Variants in KDM5A observed in about 807,000 individuals in gnomAD.
KDM5A encodes the protein lysine demethylase 5A.
KDM5A carries 42 observed loss-of-function variants against 193.5 expected under a neutral mutation model. That is an observed-to-expected ratio of 0.22 (90% CI 0.17 to 0.28). The LOEUF is 0.28. Ranked by LOEUF, KDM5A falls within the 10% of genes least tolerant of loss-of-function variation. KDM5A has a pLI of 1.00. For missense variants in KDM5A, 1,692 were observed against 2,055.1 expected (o/e 0.82, Z 3.42); for synonymous variants, 796 against 718.1 (o/e 1.11, Z -1.73).
At chr12:322,387 A>G (rs1943728576) in intron 17 of KDM5A, 30 bp downstream of exon 17, 2 of 1,604,652 alleles carry the variant, frequency 1.2e-6, no homozygotes, top group East Asian at 4.5e-5. Flanking sequence ...ACAGGAAAAC[A>G]CTGGAGAATT....
intron 12 of KDM5A, 40 bp from the exon 13 acceptor site, chr12:331,978 TA>T: frequency 6.3e-7 from 1 of 1,591,774 alleles, no homozygotes; most frequent in Non-Finnish European, 8.6e-7. Context: ...AAATAAAAAA[TA>T]AAAATAACAA....
chr12:359,906 T>C (rs950103695), intron 5 of KDM5A, among the ~76,000 whole-genome samples: 5 of 151,962 alleles, frequency 3.3e-5, no homozygotes, highest in Non-Finnish European at 5.9e-5. Context: ...TTCAGATGTA[T>C]TGAATTTGGC....
At chr12:288,592 GA>G (rs1486193535) in intron 27 of KDM5A, among the ~76,000 whole-genome samples, 6 of 152,080 alleles carry the variant, frequency 3.9e-5, no homozygotes, top group African/African-American at 1.2e-4. Context: ...ACTGCACTGG[GA>G]AAAAAGAAAA....
At chr12:310,040 T>C (rs1270601350) in intron 21 of KDM5A, 76 bp from the exon 22 acceptor site, 17 of 1,474,418 alleles carry the variant, frequency 1.2e-5, no homozygotes, top group Admixed American at 7.4e-5. Context: ...AAGGAACCAT[T>C]TGTTGACTGT....
At chr12:311,871 C>G (rs1314845021) in intron 20 of KDM5A, among the ~76,000 whole-genome samples, 2 of 152,076 alleles carry the variant, frequency 1.3e-5, no homozygotes, top group Non-Finnish European at 2.9e-5. Context: ...CCGGCTCTAC[C>G]AAAAATACAA....
Position 389,192 on chromosome 12 carries a change from G to C in KDM5A, c.-101C>G, listed in dbSNP as rs752265773. On this transcript the variant is annotated 5_prime_UTR_variant, in exon 1 of 28. Coordinates refer to ENST00000399788, the MANE Select transcript of KDM5A (RefSeq NM_001042603.3). ...TTCAAGTCCCCTGACAGAGGCCGAA[G>C]CGCATCTTCGCGGACAAGAACCGTT... 1 of 1,076,056 alleles carries C rather than the reference G, an allele frequency of 9.3e-7. No individual in the cohort carries two copies. The highest frequency in any genetic ancestry group is 1.4e-6 in the Non-Finnish European group (1 of 694,330). 66.7% of individuals were successfully genotyped at this position (1,076,056 alleles called of 1,614,324 possible).
chr12:308,466 C>T (rs1943541772), intron 22 of KDM5A, among the ~76,000 whole-genome samples: 1 of 152,158 alleles, frequency 6.6e-6, no homozygotes, highest in Admixed American at 6.5e-5. Context: ...AGTTTCCTAT[C>T]ACCTCGTAAT....
chr12:344,938 G>T (rs1207620636), intron 10 of KDM5A, among the ~76,000 whole-genome samples: 1 of 152,092 alleles, frequency 6.6e-6, no homozygotes, highest in African/African-American at 2.4e-5. Context: ...AATGTAAATG[G>T]GCTAAATGCC....
At position 347,516 on chromosome 12, in the gene KDM5A, T is replaced by C. The variant is rs954998467; in HGVS notation, c.1308+3105A>G. On this transcript the variant is annotated intron_variant, in intron 10 of 27. Coordinates refer to ENST00000399788, the MANE Select transcript of KDM5A (RefSeq NM_001042603.3). ...CACACTACCTGACTTTAAACTATAC[T>C]ACAAGGCTACAGTAACCAAAACAGC... Among the ~76,000 whole-genome samples the C allele has an allele frequency of 5.9e-5, 9 of 152,100 alleles. 1 individual carries two copies. The highest frequency in any genetic ancestry group is 2.2e-4 in the African/African-American group (9 of 41,418).
chr12:297,281 A>AG (rs1943385854), intron 24 of KDM5A, 81 bp from the exon 25 acceptor site: 2 of 1,188,300 alleles, frequency 1.7e-6, no homozygotes, highest in African/African-American at 3.0e-5. Context: ...GGAGGCTTTC[A>AG]GGTTAAAGCT....
At chr12:350,365 G>A (rs1565542450) in intron 10 of KDM5A, among the ~76,000 whole-genome samples, 1 of 151,404 alleles carries the variant, frequency 6.6e-6, no homozygotes, top group Admixed American at 6.6e-5. Context: ...GAACCCAGGA[G>A]GTGGAGGTTG....
chr12:382,653 G>A (rs562705374), intron 3 of KDM5A, among the ~76,000 whole-genome samples: 19 of 151,516 alleles, frequency 1.3e-4, no homozygotes, highest in Non-Finnish European at 1.9e-4. Flanking sequence ...TTAGCCGGGC[G>A]CGGTGGCTCA....
intron 22 of KDM5A, among the ~76,000 whole-genome samples, chr12:308,988 C>T (rs1943548032): frequency 6.6e-6 from 1 of 152,106 alleles, no homozygotes; most frequent in Non-Finnish European, 1.5e-5. Flanking sequence ...TTGAAAAACA[C>T]AATAGTAATA....
At position 384,089 on chromosome 12, in the gene KDM5A, G is replaced by T. The variant is rs200969654; in HGVS notation, c.308C>A (p.Ser103Tyr). 1.2e-6 allele frequency: 2 copies of T among 1,611,150 alleles called. No individual in the cohort carries two copies. Among genetic ancestry groups the T allele is most frequent in the Non-Finnish European group, 1.7e-6 (2 of 1,177,408 alleles). ...QLAKFWELQG[S>Y]TLKIPVVERK... ...CTCTACCACAGGGATCTTCAGAGTA[G>T]ATCCTTGAAGTTCCCAAAATTTTGC... is the stretch of plus-strand genomic sequence containing the variant. Residue 103 changes from serine (S) to tyrosine (Y), a missense_variant, in exon 3 of 28, where the codon TCT (serine) becomes TAT (tyrosine). Transcript: ENST00000399788.
At chr12:351,572 C>G (rs1944159985) in intron 9 of KDM5A, among the ~76,000 whole-genome samples, 1 of 152,080 alleles carries the variant, frequency 6.6e-6, no homozygotes, top group Admixed American at 6.6e-5. Flanking sequence ...GGAAAAGAAG[C>G]AAACCCCACA....
chr12:321,138 T>C, intron 17 of KDM5A, 29 bp from the exon 18 acceptor site: 2 of 1,505,340 alleles, frequency 1.3e-6, no homozygotes, highest in Non-Finnish European at 1.9e-6. Flanking sequence ...GAGATATAAG[T>C]AAGAAAAATT....
chr12:386,046 G>A (rs1944634011), intron 1 of KDM5A, 72 bp from the exon 2 acceptor site: 2 of 1,197,982 alleles, frequency 1.7e-6, no homozygotes, highest in Non-Finnish European at 2.5e-6. Context: ...TTCCCTTAAA[G>A]GGGGGTTTTG....
chr12:286,292 C>A, intron 27 of KDM5A: 1 of 413,184 alleles, frequency 2.4e-6, no homozygotes, highest in Non-Finnish European at 4.9e-6. Context: ...ATAGATCACT[C>A]TGGGGTTTAA....
chr12:356,403 T>C (rs1461845605), intron 6 of KDM5A, 29 bp downstream of exon 6: 3 of 1,294,604 alleles, frequency 2.3e-6, no homozygotes, highest in Non-Finnish European at 3.4e-6. Flanking sequence ...CTACCTTATC[T>C]CTTTTCATGA....
Sources: allele counts gnomAD v4.1 joint callset (sites outside exome capture counted in the v4.1 genomes callset), GRCh38; gene constraint gnomAD v4.1.1; transcripts MANE v1.5; gene names NCBI Gene and HGNC (gene_info 2026-07-23, HGNC 2026-07-21).